Variants in MS4A7 observed in about 807,000 individuals in gnomAD.
The protein encoded by MS4A7 is membrane-spanning 4-domains subfamily A member 7.
Under a neutral mutation model 23.5 loss-of-function variants are expected in MS4A7, and 21 were observed. The ratio of observed to expected loss-of-function variants is 0.89; its 90% CI spans 0.63 to 1.29. The LOEUF (loss-of-function observed/expected upper bound fraction) is 1.29. MS4A7 is among the 50% of genes most tolerant of loss of function. MS4A7 has a pLI of 0.00. For missense variants in MS4A7, 263 were observed against 274.2 expected (o/e 0.96, Z 0.29); for synonymous variants, 111 against 107.4 (o/e 1.03, Z -0.21).
chr11:60,385,058 A>T (rs2233244), intron 2 of MS4A7, 30 bp from the exon 3 acceptor site: 8 of 1,602,786 alleles, frequency 5.0e-6, no homozygotes, highest in East Asian at 2.2e-5. Flanking sequence ...TTTGAAGTGC[A>T]GTCTAGATTT....
intron 5 of MS4A7, 38 bp downstream of exon 5, chr11:60,389,634 T>G (rs2233252): frequency 0.64 from 999,984 of 1,572,864 alleles, 319,160 homozygotes; most frequent in Middle Eastern, 0.75. Flanking sequence ...TCATGTGAAA[T>G]CTCTGTGTCT....
chr11:60,386,241 C>CT (rs2085485612), intron 3 of MS4A7, among the ~76,000 whole-genome samples: 1 of 152,234 alleles, frequency 6.6e-6, no homozygotes, highest in Non-Finnish European at 1.5e-5. Flanking sequence ...GCTCTTCCCA[C>CT]TTTCCTCGAC....
chr11:60,382,638 T>G (rs1262002110), intron 1 of MS4A7, among the ~76,000 whole-genome samples: 1 of 152,158 alleles, frequency 6.6e-6, no homozygotes, highest in Non-Finnish European at 1.5e-5. Context: ...GAAAGGAAAG[T>G]GGAACAGCAT....
At chr11:60,392,858 A>G in intron 6 of MS4A7, 72 bp downstream of exon 6, 1 of 1,099,190 alleles carries the variant, frequency 9.1e-7, no homozygotes, top group Admixed American at 1.9e-5. Context: ...AACCTCAAAA[A>G]GTGGCAAAAA....
rs369852602 is a variant in MS4A7 at position 60,385,221 on chromosome 11, G to T, written c.281G>T (p.Cys94Phe). The T allele has an allele frequency of 6.7e-5, 108 of 1,614,014 alleles. No individual in the cohort carries two copies. The highest frequency in any genetic ancestry group is 8.9e-5 in the Non-Finnish European group (105 of 1,180,002). ...GGGTACCCATTTTTAGGAGCTCTGTGTGTGAGTAGAATGGGGACTCTAAGA... is the reference window on the plus strand; with the variant it reads ...GGGTACCCATTTTTAGGAGCTCTGTTTGTGAGTAGAATGGGGACTCTAAGA... ...MSGYPFLGALCFGITGSLSII... is the reference protein window; with the variant it reads ...MSGYPFLGALFFGITGSLSII... Residue 94 changes from cysteine to phenylalanine, a missense_variant and splice_region_variant, in exon 3 of 7, where the codon TGT becomes TTT. Physicochemically the swap from Cys to Phe is radical, Grantham distance 205 (BLOSUM62 -2). Transcript: ENST00000300184.
At chr11:60,384,791 T>C (rs912814320) in intron 2 of MS4A7, among the ~76,000 whole-genome samples, 1 of 152,250 alleles carries the variant, frequency 6.6e-6, no homozygotes, top group African/African-American at 2.4e-5. Context: ...ACAACTTTTT[T>C]ATCTACTTTT....
chr11:60,392,221 T>C (rs1299282533), intron 5 of MS4A7, among the ~76,000 whole-genome samples: 2 of 151,974 alleles, frequency 1.3e-5, no homozygotes, highest in Admixed American at 6.6e-5. Context: ...AGAGGTTCAG[T>C]ACATATCTAG....
intron 1 of MS4A7, among the ~76,000 whole-genome samples, chr11:60,379,256 C>T (rs2085402720): frequency 6.6e-6 from 1 of 152,152 alleles, no homozygotes; most frequent in African/African-American, 2.4e-5. Flanking sequence ...ATTCAAGTGT[C>T]ATAGATTTAA....
rs1309083552 is a variant in MS4A7 at position 60,394,877 on chromosome 11, G to GAATAA, written c.*1029_*1033dup. The GAATAA allele has an allele frequency of 7.6e-6, 4 of 525,940 alleles. No homozygotes were observed. The Admixed American group carries it at 9.3e-5, about 12-fold the overall frequency. The allele number at this position is 525,940 out of a possible 1,614,324, so 32.6% of individuals were successfully genotyped here. A position where few individuals can be genotyped will look rare whatever the true frequency, so the allele number is the denominator to read the frequency against. ...TTGAATTCATTTATTTTAAATAAAT[G>GAATAA]AATAAAATAAAATAAAAAAGAATAT... On this transcript the variant is annotated 3_prime_UTR_variant, in exon 7 of 7. Transcript: ENST00000300184.
intron 5 of MS4A7, among the ~76,000 whole-genome samples, chr11:60,390,337 A>G (rs1339287833): frequency 1.3e-5 from 2 of 152,210 alleles, no homozygotes; most frequent in South Asian, 2.1e-4. Context: ...TCCTATAAAT[A>G]TAGTATCATG....
intron 4 of MS4A7, chr11:60,388,944 C>T (rs762815718): frequency 6.4e-6 from 1 of 157,114 alleles, no homozygotes; most frequent in Non-Finnish European, 1.4e-5. Flanking sequence ...AGTTTGCCTC[C>T]ACCTTTTCTC....
chr11:60,381,616 C>A (rs2085428766), intron 1 of MS4A7, among the ~76,000 whole-genome samples: 1 of 152,194 alleles, frequency 6.6e-6, no homozygotes. Flanking sequence ...AAGTATCCTG[C>A]CTACGGCCAG....
intron 5 of MS4A7, 24 bp downstream of exon 5, chr11:60,389,620 C>T (rs769065659): frequency 4.4e-6 from 7 of 1,594,612 alleles, no homozygotes; most frequent in African/African-American, 1.3e-5. Flanking sequence ...GACTGAATAT[C>T]CTGTCATGTG....
At chr11:60,386,692 G>A in intron 3 of MS4A7, 25 bp from the exon 4 acceptor site, 1 of 1,597,672 alleles carries the variant, frequency 6.3e-7, no homozygotes, top group South Asian at 1.1e-5. Flanking sequence ...CAACTGAACT[G>A]ATCATTTCTC....
rs565790331 is a variant in MS4A7 at position 60,379,802 on chromosome 11, T to C, written c.-14+1138T>C. ...TGCCCGCCTCGGCCTCCCAAAGTGC[T>C]AGGATTACAGGCATGAGCCGCTGCA... is the stretch of plus-strand genomic sequence containing the variant. On this transcript the variant is annotated intron_variant, in intron 1 of 6. Coordinates refer to ENST00000300184, the MANE Select transcript of MS4A7 (RefSeq NM_021201.5). Among the ~76,000 whole-genome samples, 3 of 152,334 alleles carry C rather than the reference T, an allele frequency of 2.0e-5. No homozygotes were observed. The South Asian group carries it at 6.2e-4, about 32-fold the overall frequency.
chr11:60,389,371 T>G lies in MS4A7; in HGVS notation c.340-19T>G. 1.3e-6 allele frequency: 2 copies of G among 1,592,638 alleles called. No homozygotes were observed. The highest frequency in any genetic ancestry group is 1.7e-6 in the Non-Finnish European group (2 of 1,168,406). On this transcript the variant is annotated intron_variant, in intron 4 of 6. Transcript: ENST00000300184. Reference sequence around the variant, plus strand: ...TGCTGATTCTGTGATGAGAACCCAATGCAGAGTTTCTCTTCCAGGACCTGA... The same window carrying G: ...TGCTGATTCTGTGATGAGAACCCAAGGCAGAGTTTCTCTTCCAGGACCTGA...
At chr11:60,379,163 T>C (rs2135088400) in intron 1 of MS4A7, among the ~76,000 whole-genome samples, 1 of 152,356 alleles carries the variant, frequency 6.6e-6, no homozygotes, top group African/African-American at 2.4e-5. Flanking sequence ...TTGGAGATGA[T>C]AGCATCAGTC....
intron 5 of MS4A7, 96 bp downstream of exon 5, chr11:60,389,692 C>CTGTCT: frequency 8.2e-7 from 1 of 1,226,208 alleles, no homozygotes; most frequent in Non-Finnish European, 1.2e-6. Flanking sequence ...GTTGGTCGGT[C>CTGTCT]CGAATGCCTG....
chr11:60,384,582 C>G (rs145654634), intron 2 of MS4A7, among the ~76,000 whole-genome samples: 23 of 152,340 alleles, frequency 1.5e-4, no homozygotes, highest in Non-Finnish European at 2.9e-4. Flanking sequence ...AAACTATGAG[C>G]AAAAGCATGG....
Sources: gnomAD v4.1 joint callset for allele counts (sites outside exome capture counted in the v4.1 genomes callset) on GRCh38, gnomAD v4.1.1 for gene constraint, MANE v1.5 for transcripts, NCBI Gene and HGNC (gene_info 2026-07-23, HGNC 2026-07-21) for gene names.